The following PSD3 variants were observed in gnomAD, a reference collection of about 807,000 sequenced individuals.
The protein encoded by PSD3 is PH and SEC7 domain-containing protein 3.
Under a neutral mutation model 105.5 loss-of-function variants are expected in PSD3, and 49 were observed. The observed-to-expected ratio is 0.46, with a 90% CI of 0.37 to 0.59. The LOEUF (loss-of-function observed/expected upper bound fraction) is 0.59. PSD3 is among the 20% of genes least tolerant of loss of function. The pLI, the probability that PSD3 is intolerant of heterozygous loss-of-function variation, is 0.00. For synonymous variants in PSD3, 557 were observed against 457.8 expected, an observed-to-expected ratio of 1.22 and a Z score of -2.77; for missense variants, 1,561 against 1,263.8, an observed-to-expected ratio of 1.24 and a Z score of -3.57.
intron 4 of PSD3, among the ~76,000 whole-genome samples, chr8:18,819,768 G>A (rs192664947): frequency 4.6e-5 from 7 of 151,996 alleles, no homozygotes; most frequent in African/African-American, 9.6e-5. Context: ...TAGTAGAGAT[G>A]GGGTTTCACC....
intron 8 of PSD3, among the ~76,000 whole-genome samples, chr8:18,797,277 C>G (rs1365124940): frequency 6.6e-6 from 1 of 152,120 alleles, no homozygotes; most frequent in East Asian, 1.9e-4. Context: ...ACACATGATC[C>G]TGAATATGAC....
chr8:18,861,486 A>G (rs1425807928), intron 4 of PSD3, among the ~76,000 whole-genome samples: 1 of 152,012 alleles, frequency 6.6e-6, no homozygotes, highest in African/African-American at 2.4e-5. Context: ...GCACTTCACA[A>G]GTAACCCTCT....
chr8:18,960,291 A>C lies in PSD3; in HGVS notation c.22-24149T>G, dbSNP rs17127545. Among the ~76,000 whole-genome samples the C allele has an allele frequency of 1.2e-3, 186 of 152,328 alleles. 1 individual carries two copies. In the East Asian group the frequency reaches 0.022, roughly 18 times the overall value. On this transcript the variant is annotated intron_variant, in intron 1 of 15. Coordinates refer to ENST00000327040, the MANE Select transcript of PSD3 (RefSeq NM_015310.4). ...TCTTTAATAGGTAAGAAGGAATCTT[A>C]AGAAAGAGAACGCATGACCAAAGAA... is the stretch of plus-strand genomic sequence containing the variant.
chr8:18,800,669 T>C (rs1810597096), intron 7 of PSD3, among the ~76,000 whole-genome samples: 3 of 152,196 alleles, frequency 2.0e-5, no homozygotes, highest in Admixed American at 2.0e-4. Flanking sequence ...ACTTACTTTG[T>C]AAAAATAGTG....
rs150122503 is a variant in PSD3, at chr8:18,606,950, G to C, written c.2411-6516C>G. 4.3e-3 allele frequency among the ~76,000 whole-genome samples: 649 copies of C among 152,240 alleles called. 4 individuals are homozygous for C. Among genetic ancestry groups the C allele is most frequent in the African/African-American group, 0.015 (620 of 41,544 alleles). On this transcript the variant is annotated intron_variant, in intron 11 of 15. Transcript: ENST00000327040. ...ATTAACTATATTTACAATTCTGAAAGGTAGAGTATGCCCCCAAGGAAGCTA... is the reference window on the plus strand; with the variant it reads ...ATTAACTATATTTACAATTCTGAAACGTAGAGTATGCCCCCAAGGAAGCTA...
At position 19,013,588 on chromosome 8, in the gene PSD3, C is replaced by A; in HGVS notation, c.-5G>T. The A allele has an allele frequency of 6.6e-7, 1 of 1,505,030 alleles. No homozygotes were observed. 93.2% of individuals were successfully genotyped at this position (1,505,030 alleles called of 1,614,324 possible). ...CGCTGCGCTCCTTCCTTCCATCTTC[C>A]ATCGCCAGCCCGGCCGCGCGCCGAA... On this transcript the variant is annotated 5_prime_UTR_variant, in exon 1 of 16. An upstream start codon of the reference 5' UTR is lost. Coordinates refer to ENST00000327040, the MANE Select transcript of PSD3 (RefSeq NM_015310.4).
chr8:18,753,767 TCA>T (rs1805796122), intron 9 of PSD3, among the ~76,000 whole-genome samples: 1 of 152,154 alleles, frequency 6.6e-6, no homozygotes, highest in African/African-American at 2.4e-5. Context: ...CCAATCTATT[TCA>T]CACTCCCTGT....
rs1055414986 is a variant in PSD3, at chr8:18,660,768, A to G, written c.2173-5083T>C. Among the ~76,000 whole-genome samples, 5 of 152,174 alleles carry G rather than the reference A, an allele frequency of 3.3e-5. No individual in the cohort carries two copies. The East Asian group carries it at 5.8e-4, about 18-fold the overall frequency. On this transcript the variant is annotated intron_variant, in intron 9 of 15. Coordinates refer to ENST00000327040, the MANE Select transcript of PSD3 (RefSeq NM_015310.4). ...AAATCACTGCTTTGCAAGCTTACCAATCTTTTATCTAACTGTAATTTCTGT... is the reference window on the plus strand; with the variant it reads ...AAATCACTGCTTTGCAAGCTTACCAGTCTTTTATCTAACTGTAATTTCTGT...
intron 2 of PSD3, among the ~76,000 whole-genome samples, chr8:18,893,255 T>C (rs1480031826): frequency 1.3e-5 from 2 of 152,060 alleles, no homozygotes; most frequent in African/African-American, 4.8e-5. Context: ...AACAGAGGGA[T>C]GGGCTTAAGG....
At position 19,072,632 on chromosome 8, in the gene PSD3, C is replaced by A. The variant is rs113535163; in HGVS notation, c.324+11574G>T. Among the ~76,000 whole-genome samples, 373 of 152,268 alleles carry A rather than the reference C, an allele frequency of 2.4e-3. 3 individuals are homozygous for A. The highest frequency in any genetic ancestry group is 8.4e-3 in the African/African-American group (348 of 41,550). On this transcript the variant is annotated intron_variant, in intron 1 of 1. Transcript: ENST00000521475. ...AACCCAGGCCACGGGCTCCCAGCTG[C>A]TCAAATGCAACCAGGACACAGAAGC...
intron 1 of PSD3, among the ~76,000 whole-genome samples, chr8:18,954,641 A>G (rs576564586): frequency 2.0e-5 from 3 of 152,174 alleles, no homozygotes; most frequent in Non-Finnish European, 4.4e-5. Context: ...GAGGGGATGC[A>G]CAAAGTAACA....
chr8:18,686,287 G>A (rs1003078215), intron 9 of PSD3, among the ~76,000 whole-genome samples: 1 of 152,186 alleles, frequency 6.6e-6, no homozygotes, highest in African/African-American at 2.4e-5. Context: ...GAAGTGGGTT[G>A]AGGTAATATT....
Position 18,818,686 on chromosome 8 carries a change from C to CA in PSD3, c.1635-13789_1635-13788insT, listed in dbSNP as rs143863409. On this transcript the variant is annotated intron_variant, in intron 4 of 15. Coordinates refer to ENST00000327040, the MANE Select transcript of PSD3 (RefSeq NM_015310.4). ...TAGTGAATAATGTCCTCTCCATACC[C>CA]CCCCCAACAACCAGCAAAAAAAGGA... 7.3e-3 allele frequency among the ~76,000 whole-genome samples: 1,116 copies of CA among 152,078 alleles called. 7 individuals carry two copies. Among genetic ancestry groups the CA allele is most frequent in the Non-Finnish European group, 0.013 (882 of 67,990 alleles).
Position 18,575,293 on chromosome 8 carries a change from T to G in PSD3, c.2482-8A>C, listed in dbSNP as rs567860927. 6.5e-7 allele frequency: 1 copy of G among 1,550,064 alleles called. No individual in the cohort carries two copies. The highest frequency in any genetic ancestry group is 8.7e-7 in the Non-Finnish European group (1 of 1,148,446). On this transcript the variant is annotated splice_region_variant and splice_polypyrimidine_tract_variant and intron_variant, in intron 12 of 15. Coordinates refer to ENST00000327040, the MANE Select transcript of PSD3 (RefSeq NM_015310.4). ...TTCTGGCTTGTATTCATCCTATAGA[T>G]GGACACAAAGAAAATAAAGGCAAAA...
intron 1 of PSD3, among the ~76,000 whole-genome samples, chr8:19,025,817 A>G (rs78119471): frequency 0.091 from 13,872 of 152,296 alleles, 689 homozygotes; most frequent in African/African-American, 0.12. Flanking sequence ...AAAAACCCAT[A>G]CATTTAGTGT....
intron 2 of PSD3, among the ~76,000 whole-genome samples, chr8:18,904,480 G>T (rs967151992): frequency 1.3e-5 from 2 of 152,220 alleles, no homozygotes; most frequent in Admixed American, 1.3e-4. Flanking sequence ...CAAGGACTAT[G>T]TTGGAACTTC....
At chr8:18,614,965 G>A (rs373151112) in intron 11 of PSD3, among the ~76,000 whole-genome samples, 2 of 152,032 alleles carry the variant, frequency 1.3e-5, no homozygotes, top group African/African-American at 4.8e-5. Context: ...TCTGACTGAA[G>A]GAATATGCTG....
chr8:18,965,872 C>T (rs1824210566), intron 1 of PSD3, among the ~76,000 whole-genome samples: 1 of 152,208 alleles, frequency 6.6e-6, no homozygotes. Context: ...GCGTAAATGC[C>T]AGGCCTGAGT....
chr8:18,714,944 G>A (rs1165465670), intron 9 of PSD3, among the ~76,000 whole-genome samples: 1 of 152,150 alleles, frequency 6.6e-6, no homozygotes, highest in Non-Finnish European at 1.5e-5. Context: ...AGAATACTAT[G>A]CAGCCATAAA....
Sources: gnomAD v4.1 joint callset for allele counts (sites outside exome capture counted in the v4.1 genomes callset) on GRCh38, gnomAD v4.1.1 for gene constraint, MANE v1.5 for transcripts, NCBI Gene and HGNC (gene_info 2026-07-23, HGNC 2026-07-21) for gene names.